Variants in AK4 observed in about 807,000 individuals in gnomAD.
AK4 encodes adenylate kinase 4.
AK4 carries 13 observed loss-of-function variants against 24.6 expected under a neutral mutation model. The ratio of observed to expected loss-of-function variants is 0.53; its 90% CI spans 0.34 to 0.84. The LOEUF is 0.84. Among genes scored for constraint, AK4 ranks in the 40% least tolerant of loss-of-function variants. AK4 has a pLI of 0.01. For missense variants in AK4, 192 were observed against 288.2 expected (o/e 0.67, Z 2.42); for synonymous variants, 88 against 107.0 (o/e 0.82, Z 1.10).
chr1:65,213,589 C>T (rs1192653154), intron 2 of AK4, among the ~76,000 whole-genome samples: 1 of 152,216 alleles, frequency 6.6e-6, no homozygotes, highest in Non-Finnish European at 1.5e-5. Flanking sequence ...TAGGTGAGCT[C>T]TACCAAGAGC....
intron 2 of AK4, among the ~76,000 whole-genome samples, chr1:65,205,730 C>G (rs1651791715): frequency 6.6e-6 from 1 of 152,074 alleles, no homozygotes; most frequent in African/African-American, 2.4e-5. Context: ...TCCTTTTTGT[C>G]ATTTGTTCAG....
At chr1:65,224,650 G>T in intron 3 of AK4, 102 bp from the exon 4 acceptor site, 6 of 812,134 alleles carry the variant, frequency 7.4e-6, no homozygotes, top group Non-Finnish European at 1.3e-5. Context: ...TCATCATGTG[G>T]TAGGAGTTAA....
In AK4 at chr1:65,230,330, A is replaced by G. The variant is rs1178809422; in HGVS notation, c.*4153A>G. On this transcript the variant is annotated 3_prime_UTR_variant, in exon 5 of 5. Coordinates refer to ENST00000327299, the MANE Select transcript of AK4 (RefSeq NM_013410.4). The stretch of plus-strand genomic sequence containing the variant: ...TGAGACCGGATAACTTTAGAAAGAT[A>G]CCTGCACAAACCCATAAATAGTGCT... The G allele has an allele frequency of 6.6e-6, 1 of 152,188 alleles. No individual in the cohort carries two copies. Among genetic ancestry groups the G allele is most frequent in the Non-Finnish European group, 1.5e-5 (1 of 68,040 alleles). The allele number at this position is 152,188 out of a possible 1,614,324, so 9.4% of individuals were successfully genotyped here.
intron 3 of AK4, among the ~76,000 whole-genome samples, chr1:65,222,600 G>C (rs967206150): frequency 1.3e-5 from 2 of 152,096 alleles, no homozygotes; most frequent in African/African-American, 4.8e-5. Context: ...TGAGCCTTGT[G>C]GCTGTAAGTA....
At chr1:65,191,090 T>G (rs1458114128) in intron 2 of AK4, among the ~76,000 whole-genome samples, 2 of 152,216 alleles carry the variant, frequency 1.3e-5, no homozygotes, top group Non-Finnish European at 2.9e-5. Flanking sequence ...CCCTTTTGTT[T>G]CCGTAAGCCA....
chr1:65,194,320 A>G (rs1451136036), intron 2 of AK4, among the ~76,000 whole-genome samples: 1 of 152,220 alleles, frequency 6.6e-6, no homozygotes, highest in African/African-American at 2.4e-5. Flanking sequence ...GGCACAGACA[A>G]AATTTGTCAA....
intron 2 of AK4, among the ~76,000 whole-genome samples, chr1:65,196,994 T>C (rs1025319537): frequency 2.6e-5 from 4 of 152,130 alleles, no homozygotes; most frequent in Non-Finnish European, 5.9e-5. Flanking sequence ...AACTCCCATT[T>C]TTAAAACTAT....
chr1:65,205,882 A>G (rs920152120), intron 2 of AK4, among the ~76,000 whole-genome samples: 6 of 152,188 alleles, frequency 3.9e-5, no homozygotes, highest in Non-Finnish European at 5.9e-5. Context: ...GGAGAGAATG[A>G]AACTTTGTTT....
At chr1:65,190,277 C>A (rs1651250660) in intron 1 of AK4, among the ~76,000 whole-genome samples, 1 of 147,304 alleles carries the variant, frequency 6.8e-6, no homozygotes, top group African/African-American at 2.5e-5. Context: ...TTTTTTGAGA[C>A]AGGGTCTCCT....
At chr1:65,206,189 C>G (rs1442579363) in intron 2 of AK4, among the ~76,000 whole-genome samples, 1 of 152,178 alleles carries the variant, frequency 6.6e-6, no homozygotes, top group Non-Finnish European at 1.5e-5. Flanking sequence ...CCAGAAAGCA[C>G]AGGTTATATC....
At chr1:65,152,316 A>C (rs6675270) in intron 1 of AK4, among the ~76,000 whole-genome samples, 721 of 32,550 alleles carry the variant, frequency 0.022, 52 homozygotes, top group African/African-American at 0.063. Context: ...TGCACTTGCT[A>C]TCTCTCTCTC....
At chr1:65,171,526 C>G (rs956742530) in intron 1 of AK4, among the ~76,000 whole-genome samples, 24 of 151,792 alleles carry the variant, frequency 1.6e-4, no homozygotes, top group African/African-American at 4.4e-4. Context: ...GGGCTGGTCT[C>G]AAACCCCTGA....
At chr1:65,161,750 G>A (rs1374162731) in intron 1 of AK4, among the ~76,000 whole-genome samples, 2 of 152,044 alleles carry the variant, frequency 1.3e-5, no homozygotes, top group African/African-American at 4.8e-5. Context: ...AGGCTATAAC[G>A]AGAGGAGAGG....
At chr1:65,160,812 C>T (rs192569661) in intron 1 of AK4, among the ~76,000 whole-genome samples, 1 of 152,254 alleles carries the variant, frequency 6.6e-6, no homozygotes, top group Admixed American at 6.5e-5. Flanking sequence ...CCAGGCTGGT[C>T]TTGCATTTCT....
chr1:65,216,927 C>G (rs1268706344), intron 2 of AK4, among the ~76,000 whole-genome samples: 1 of 152,158 alleles, frequency 6.6e-6, no homozygotes, highest in East Asian at 1.9e-4. Flanking sequence ...CCTTGAATTC[C>G]TGGCCTCAAG....
At position 65,229,411 on chromosome 1, in the gene AK4, A is replaced by T. The variant is rs1652567503; in HGVS notation, c.*3234A>T. The T allele has an allele frequency of 6.6e-6, 1 of 152,120 alleles. No individual in the cohort carries two copies. The highest frequency in any genetic ancestry group is 1.5e-5 in the Non-Finnish European group (1 of 68,070). The allele number at this position is 152,120 out of a possible 1,614,324, so 9.4% of individuals were successfully genotyped here. A position where few individuals can be genotyped will look rare whatever the true frequency, so the allele number is the denominator to read the frequency against. On this transcript the variant is annotated 3_prime_UTR_variant, in exon 5 of 5. Coordinates refer to ENST00000327299, the MANE Select transcript of AK4 (RefSeq NM_013410.4). ...TAGCCAGTCATGGTGGTGTACACTT[A>T]TGGTCCTAGTTACTCAGGAGACTTA...
At chr1:65,159,132 C>A (rs1449268813) in intron 1 of AK4, among the ~76,000 whole-genome samples, 1 of 152,164 alleles carries the variant, frequency 6.6e-6, no homozygotes, top group Non-Finnish European at 1.5e-5. Flanking sequence ...AGCTAGAAAT[C>A]AACTATTTTC....
intron 1 of AK4, among the ~76,000 whole-genome samples, chr1:65,150,979 A>G (rs1649752342): frequency 6.6e-6 from 1 of 151,504 alleles, no homozygotes; most frequent in Admixed American, 6.6e-5. Context: ...TTTTGAGACG[A>G]GTCTCGTTCT....
intron 1 of AK4, among the ~76,000 whole-genome samples, chr1:65,164,905 G>T (rs1650281401): frequency 6.6e-6 from 1 of 152,124 alleles, no homozygotes; most frequent in African/African-American, 2.4e-5. Context: ...TGGAAACTGG[G>T]GTTGAAGGTT....
Sources: gnomAD v4.1 joint callset for allele counts (sites outside exome capture counted in the v4.1 genomes callset) on GRCh38, gnomAD v4.1.1 for gene constraint, MANE v1.5 for transcripts, NCBI Gene and HGNC (gene_info 2026-07-23, HGNC 2026-07-21) for gene names.